SLIT1: variants seen among roughly 807,000 people sequenced by gnomAD.
SLIT1 encodes slit guidance ligand 1.
In SLIT1, 66 loss-of-function variants were observed where a neutral mutation model predicts 186.1. That is an observed-to-expected ratio of 0.35 (90% CI 0.29 to 0.44). The LOEUF is 0.44. Among genes scored for constraint, SLIT1 ranks in the 20% least tolerant of loss-of-function variants. The pLI, the probability that SLIT1 is intolerant of heterozygous loss-of-function variation, is 1.00. For synonymous variants in SLIT1, 761 were observed against 833.8 expected (o/e 0.91, Z 1.50); for missense variants, 1,638 against 2,037.4 (o/e 0.80, Z 3.77).
chr10:97,006,358 T>C lies in SLIT1; in HGVS notation c.3579+125A>G, dbSNP rs1374977501. 1.5e-6 allele frequency: 1 copy of C among 666,254 alleles called. No homozygotes were observed. The highest frequency in any genetic ancestry group is 2.6e-5 in the Admixed American group (1 of 38,408). The allele number at this position is 666,254 out of a possible 1,614,324, so 41.3% of individuals were successfully genotyped here. A position where few individuals can be genotyped will look rare whatever the true frequency, so the allele number is the denominator to read the frequency against. ...GATTTTGATACCCATATGCAAAACGTTTTGATTACACAGAGTCCTTCCAGT... is the reference window on the plus strand; with the variant it reads ...GATTTTGATACCCATATGCAAAACGCTTTGATTACACAGAGTCCTTCCAGT... On this transcript the variant is annotated intron_variant, in intron 32 of 36. Coordinates refer to ENST00000266058, the MANE Select transcript of SLIT1 (RefSeq NM_003061.3). This position sits in a 1 kb window ranked among gnomAD's most constrained non-coding sequence, Gnocchi z 4.0.
At chr10:97,179,796 A>ACCCCCCCCCCCCCCCCCCCCCCCCC (rs1411663173) in intron 1 of SLIT1, among the ~76,000 whole-genome samples, 4 of 103,012 alleles carry the variant, frequency 3.9e-5, no homozygotes, top group Admixed American at 1.0e-4. Context: ...AATTCTCCAC[A>ACCCCCCCCCCCCCCCCCCCCCCCCC]CCCTCCCCGC....
chr10:97,180,299 C>A (rs918551356), intron 1 of SLIT1, among the ~76,000 whole-genome samples: 2 of 152,232 alleles, frequency 1.3e-5, no homozygotes, highest in Non-Finnish European at 2.9e-5. Flanking sequence ...AGCGCTCCTG[C>A]GAGCATTACC....
intron 13 of SLIT1, among the ~76,000 whole-genome samples, chr10:97,049,513 G>T (rs532824792): frequency 1.0e-3 from 155 of 152,368 alleles, no homozygotes; most frequent in African/African-American, 3.7e-3. Flanking sequence ...GGAAGCCAAA[G>T]CCCAGAGAGG....
At chr10:97,151,470 G>C (rs748898268) in intron 4 of SLIT1, among the ~76,000 whole-genome samples, 2 of 151,792 alleles carry the variant, frequency 1.3e-5, no homozygotes, top group Non-Finnish European at 2.9e-5. Flanking sequence ...GGAGGGATGG[G>C]TCAGGAGTAG....
At chr10:97,154,909 G>A (rs1326361750) in intron 4 of SLIT1, 2 of 152,216 alleles carry the variant, frequency 1.3e-5, no homozygotes, top group Non-Finnish European at 2.9e-5. Flanking sequence ...ACCATGAAGA[G>A]GGCGGGCCTA....
intron 2 of SLIT1, among the ~76,000 whole-genome samples, chr10:97,163,996 C>T (rs1324246841): frequency 6.6e-6 from 1 of 152,258 alleles, no homozygotes; most frequent in Non-Finnish European, 1.5e-5. Context: ...CCCTGTCTCC[C>T]TGTACCCCCA....
intron 4 of SLIT1, among the ~76,000 whole-genome samples, chr10:97,097,964 T>A (rs1489084457): frequency 6.6e-6 from 1 of 152,206 alleles, no homozygotes; most frequent in Non-Finnish European, 1.5e-5. Context: ...CCTAACGATT[T>A]TGTTAATGTT....
chr10:97,096,082 G>T (rs909983198), intron 4 of SLIT1, among the ~76,000 whole-genome samples: 1 of 152,192 alleles, frequency 6.6e-6, no homozygotes, highest in South Asian at 2.1e-4. Flanking sequence ...GAGGCTGGCA[G>T]CTGTCCCCCT....
At chr10:97,119,564 G>A (rs932473836) in intron 4 of SLIT1, among the ~76,000 whole-genome samples, 3 of 152,116 alleles carry the variant, frequency 2.0e-5, no homozygotes, top group Non-Finnish European at 4.4e-5. Flanking sequence ...AAGGTGGGTT[G>A]CGACGGGGCG....
At position 97,031,605 on chromosome 10, in the gene SLIT1, C is replaced by T; in HGVS notation, c.2510+1G>A. On this transcript the variant is annotated splice_donor_variant, in intron 24 of 36. Transcript: ENST00000266058. LOFTEE classifies it high-confidence loss of function. ...GCAGGATGGTGAGTGAGGAGACTTACAGCAGGCGCAGGGAGCGGAGTCCCT... is the reference window on the plus strand; with the variant it reads ...GCAGGATGGTGAGTGAGGAGACTTATAGCAGGCGCAGGGAGCGGAGTCCCT... The T allele has an allele frequency of 6.4e-7, 1 of 1,550,550 alleles. No homozygotes were observed. Among genetic ancestry groups the T allele is most frequent in the Non-Finnish European group, 8.7e-7 (1 of 1,146,086 alleles).
intron 4 of SLIT1, among the ~76,000 whole-genome samples, chr10:97,147,383 C>T (rs1234684244): frequency 6.6e-6 from 1 of 152,054 alleles, no homozygotes; most frequent in East Asian, 1.9e-4. Context: ...GTATTTAATG[C>T]CACTAAATTG....
chr10:97,053,482 C>T (rs905969462), intron 13 of SLIT1, among the ~76,000 whole-genome samples: 1 of 152,082 alleles, frequency 6.6e-6, no homozygotes, highest in African/African-American at 2.4e-5. Context: ...TGTGCAGAGT[C>T]CCCAGGGGTC....
chr10:97,003,372 G>C (rs1349252104), intron 34 of SLIT1, among the ~76,000 whole-genome samples: 2 of 152,222 alleles, frequency 1.3e-5, no homozygotes, highest in Non-Finnish European at 2.9e-5. Flanking sequence ...CATCACGTGT[G>C]GCGCTAGGTC....
chr10:97,057,431 C>T (rs1436093443), intron 11 of SLIT1, 150 bp from the exon 12 acceptor site: 1 of 617,686 alleles, frequency 1.6e-6, no homozygotes, highest in Non-Finnish European at 2.9e-6. Context: ...AGCAACTTGT[C>T]CACAGATGAC....
intron 4 of SLIT1, chr10:97,154,556 T>C (rs1013690056): frequency 6.6e-6 from 1 of 152,206 alleles, no homozygotes; most frequent in African/African-American, 2.4e-5. Flanking sequence ...CAGTAAGTGT[T>C]AGGGAGAAGT....
At chr10:97,126,411 C>G (rs1849604100) in intron 4 of SLIT1, among the ~76,000 whole-genome samples, 1 of 152,152 alleles carries the variant, frequency 6.6e-6, no homozygotes, top group Non-Finnish European at 1.5e-5. Context: ...TCAGGAGCCA[C>G]CAAAAGTGGC....
Position 97,021,074 on chromosome 10 carries a change from T to C in SLIT1, c.2746+176A>G, listed in dbSNP as rs536569802. Among the ~76,000 whole-genome samples, 22 of 152,246 alleles carry C rather than the reference T, an allele frequency of 1.4e-4. No individual in the cohort carries two copies. Among genetic ancestry groups the C allele is most frequent in the Non-Finnish European group, 2.8e-4 (19 of 68,042 alleles). On this transcript the variant is annotated intron_variant, in intron 26 of 36. Coordinates refer to ENST00000266058, the MANE Select transcript of SLIT1 (RefSeq NM_003061.3). The surrounding 1 kb of genome is among the most constrained non-coding windows in gnomAD (Gnocchi z 4.5). ...CTGGGATTTTTCTGCCTGGCTCTTT[T>C]TGTCCATGATATGTCAGGATTGGAA...
At position 97,022,471 on chromosome 10, in the gene SLIT1, A is replaced by AT. The variant is rs1252910956; in HGVS notation, c.2583-1059dup. Among the ~76,000 whole-genome samples, 1 of 152,104 alleles carries AT rather than the reference A, an allele frequency of 6.6e-6. No homozygotes were observed. Among genetic ancestry groups the AT allele is most frequent in the Non-Finnish European group, 1.5e-5 (1 of 68,008 alleles). On this transcript the variant is annotated intron_variant, in intron 25 of 36. Coordinates refer to ENST00000266058, the MANE Select transcript of SLIT1 (RefSeq NM_003061.3). The surrounding 1 kb of genome is among the most constrained non-coding windows in gnomAD (Gnocchi z 4.2). ...TTGGTATTATGTGAATTTCACCTCA[A>AT]TTTTTTTGAAGGCACATTCCTGTGT...
At chr10:97,011,689 G>A (rs1848411963) in intron 30 of SLIT1, among the ~76,000 whole-genome samples, 1 of 151,992 alleles carries the variant, frequency 6.6e-6, no homozygotes, top group African/African-American at 2.4e-5. Flanking sequence ...ACTCCCTTTG[G>A]GCTCCTGTCT....
Sources: allele counts gnomAD v4.1 joint callset (sites outside exome capture counted in the v4.1 genomes callset), GRCh38; gene constraint gnomAD v4.1.1; non-coding constraint Gnocchi (gnomAD v3.1); transcripts MANE v1.5; gene names NCBI Gene and HGNC (gene_info 2026-07-23, HGNC 2026-07-21).